The following PRKCQ variants were observed in gnomAD, a reference collection of about 807,000 sequenced individuals.
PRKCQ encodes the protein protein kinase C theta type.
A neutral mutation model predicts 91.2 loss-of-function variants in PRKCQ; 41 were observed. The observed-to-expected ratio is 0.45, with a 90% CI of 0.35 to 0.58. PRKCQ has a LOEUF of 0.58. Among genes scored for constraint, PRKCQ ranks in the 20% least tolerant of loss-of-function variants. PRKCQ has a pLI of 0.00. For synonymous variants in PRKCQ, 307 were observed against 316.9 expected, an observed-to-expected ratio of 0.97 and a Z score of 0.33; for missense variants, 673 against 896.5, an observed-to-expected ratio of 0.75 and a Z score of 3.18.
the PRKCQ span, among the ~76,000 whole-genome samples, chr10:6,403,993 G>T: frequency 6.6e-6 from 1 of 152,058 alleles, no homozygotes; most frequent in Non-Finnish European, 1.5e-5. Flanking sequence ...GGGTGCATAT[G>T]AGGAAAAGAT....
At chr10:6,415,120 G>A in the PRKCQ span, among the ~76,000 whole-genome samples, 47 of 151,832 alleles carry the variant, frequency 3.1e-4, no homozygotes, top group South Asian at 2.5e-3. Context: ...GAGCCACCAT[G>A]CCCAGCTAAT....
intron 12 of PRKCQ, among the ~76,000 whole-genome samples, chr10:6,473,124 A>G (rs1465372585): frequency 6.6e-6 from 1 of 152,326 alleles, no homozygotes; most frequent in African/African-American, 2.4e-5. Context: ...ACACTCTGTA[A>G]AAGATGTTAA....
At chr10:6,575,130 T>C (rs1428206405) in intron 1 of PRKCQ, among the ~76,000 whole-genome samples, 1 of 152,190 alleles carries the variant, frequency 6.6e-6, no homozygotes, top group East Asian at 1.9e-4. Context: ...CAGAGTTGCA[T>C]GACATTATAA....
the PRKCQ span, among the ~76,000 whole-genome samples, chr10:6,411,799 C>T: frequency 3.9e-5 from 6 of 152,186 alleles, no homozygotes; most frequent in East Asian, 1.2e-3. Flanking sequence ...ACCTGAGGGC[C>T]ACATCTTATC....
At chr10:6,519,612 A>G (rs1838915422) in intron 1 of PRKCQ, among the ~76,000 whole-genome samples, 1 of 152,172 alleles carries the variant, frequency 6.6e-6, no homozygotes, top group Admixed American at 6.6e-5. Context: ...CCGATAAGCA[A>G]ATGCAGACCC....
At chr10:6,468,309 T>A (rs779903602) in intron 12 of PRKCQ, among the ~76,000 whole-genome samples, 1 of 152,266 alleles carries the variant, frequency 6.6e-6, no homozygotes, top group African/African-American at 2.4e-5. Context: ...TACACTGCTT[T>A]CTTCTTACAG....
intron 1 of PRKCQ, among the ~76,000 whole-genome samples, chr10:6,516,341 A>G (rs1269127952): frequency 1.3e-5 from 2 of 152,166 alleles, no homozygotes; most frequent in African/African-American, 4.8e-5. Context: ...TGAAGTCCTA[A>G]TTTCCTGCAG....
In PRKCQ at chr10:6,498,399, A is replaced by C; in HGVS notation, c.539T>G (p.Val180Gly). 1 of 1,614,100 alleles carries C rather than the reference A, an allele frequency of 6.2e-7. No individual in the cohort carries two copies. Residue 180 changes from valine to glycine, a missense_variant, in exon 5 of 18, where the codon GTC (valine) becomes GGC (glycine). Transcript: ENST00000263125. ...PTFCSVCHEF[V>G]WGLNKQGYQC... ...GGGAGATGCCAAGTTACTGTACCAG[A>C]CAAACTCGTGGCAGACAGAGCAAAA...
chr10:6,409,809 T>A, the PRKCQ span, among the ~76,000 whole-genome samples: 1 of 152,186 alleles, frequency 6.6e-6, no homozygotes, highest in African/African-American at 2.4e-5. Flanking sequence ...TTTCATGGAA[T>A]GGGAAAAATA....
chr10:6,547,012 C>A (rs1353082374), intron 1 of PRKCQ, among the ~76,000 whole-genome samples: 1 of 152,182 alleles, frequency 6.6e-6, no homozygotes, highest in Non-Finnish European at 1.5e-5. Context: ...GTCTTTGGTT[C>A]TGTTTATACG....
chr10:6,466,346 G>A (rs74357117), intron 12 of PRKCQ, among the ~76,000 whole-genome samples: 2,429 of 152,316 alleles, frequency 0.016, 63 homozygotes, highest in East Asian at 0.07. Flanking sequence ...CACACTAGTG[G>A]TGAGCATTGG....
At chr10:6,407,132 A>C in the PRKCQ span, among the ~76,000 whole-genome samples, 11 of 152,210 alleles carry the variant, frequency 7.2e-5, no homozygotes, top group Non-Finnish European at 7.3e-5. The surrounding 1 kb of genome is among the most constrained non-coding windows in gnomAD (Gnocchi z 4.0). Context: ...TAATTCATCT[A>C]TCCAACTTTC....
the PRKCQ span, among the ~76,000 whole-genome samples, chr10:6,418,541 C>T: frequency 1.2e-4 from 19 of 152,034 alleles, no homozygotes; most frequent in Non-Finnish European, 2.2e-4. Context: ...AAGAGACTTT[C>T]CCTATCCTCA....
rs1839158495 is a variant in PRKCQ, at chr10:6,525,269, A to G, written c.-9-10125T>C. 3.3e-5 allele frequency among the ~76,000 whole-genome samples: 5 copies of G among 152,016 alleles called. 1 individual carries two copies. In the South Asian group the frequency reaches 1.0e-3, roughly 32 times the overall value. Reference sequence around the variant, plus strand: ...GTGAAAGTAATTTGCAGTTTTTGCCATTAAAAGTAATGGAAATTTAAAAAA... The same window carrying G: ...GTGAAAGTAATTTGCAGTTTTTGCCGTTAAAAGTAATGGAAATTTAAAAAA... On this transcript the variant is annotated intron_variant, in intron 1 of 17. Coordinates refer to ENST00000263125, the MANE Select transcript of PRKCQ (RefSeq NM_006257.5).
intron 4 of PRKCQ, among the ~76,000 whole-genome samples, chr10:6,501,444 A>G (rs1224973800): frequency 6.6e-6 from 1 of 152,062 alleles, no homozygotes; most frequent in African/African-American, 2.4e-5. Flanking sequence ...CAACCAAGAA[A>G]GGGAGCAGCT....
chr10:6,459,441 C>T lies in PRKCQ; in HGVS notation c.1509-2629G>A, dbSNP rs111482564. On this transcript the variant is annotated intron_variant, in intron 14 of 17. Coordinates refer to ENST00000263125, the MANE Select transcript of PRKCQ (RefSeq NM_006257.5). ...CCTGCACATCCAGAGCACACATGGT[C>T]TGTGATATCAGCTGTATGGGTGGAA... 7.5e-3 allele frequency among the ~76,000 whole-genome samples: 1,138 copies of T among 152,230 alleles called. 10 individuals are homozygous for T. The highest frequency in any genetic ancestry group is 0.013 in the Non-Finnish European group (861 of 68,010).
intron 15 of PRKCQ, among the ~76,000 whole-genome samples, chr10:6,453,463 C>G (rs1415106487): frequency 2.0e-5 from 3 of 152,226 alleles, no homozygotes; most frequent in Non-Finnish European, 4.4e-5. Context: ...CACTTTTACA[C>G]TGTTGGTGGG....
At chr10:6,552,171 G>A (rs937931066) in intron 1 of PRKCQ, among the ~76,000 whole-genome samples, 4 of 151,602 alleles carry the variant, frequency 2.6e-5, no homozygotes, top group African/African-American at 9.7e-5. Flanking sequence ...TTTTTTTTGT[G>A]GTTGTTGAGC....
At chr10:6,560,504 T>C (rs1840587870) in intron 1 of PRKCQ, among the ~76,000 whole-genome samples, 1 of 152,150 alleles carries the variant, frequency 6.6e-6, no homozygotes, top group Non-Finnish European at 1.5e-5. Context: ...CAGGACAAAA[T>C]GAACCCGTAG....
Sources: allele counts gnomAD v4.1 joint callset (sites outside exome capture counted in the v4.1 genomes callset), GRCh38; gene constraint gnomAD v4.1.1; non-coding constraint Gnocchi (gnomAD v3.1); transcripts MANE v1.5; gene names NCBI Gene and HGNC (gene_info 2026-07-23, HGNC 2026-07-21).